The following LRMDA variants were observed in gnomAD, a reference collection of about 807,000 sequenced individuals.
LRMDA encodes leucine rich melanocyte differentiation associated.
A neutral mutation model predicts 29.8 loss-of-function variants in LRMDA; 18 were observed. That is an observed-to-expected ratio of 0.60 (90% CI 0.42 to 0.90). The LOEUF is 0.90. Among genes scored for constraint, LRMDA ranks in the 40% least tolerant of loss-of-function variants. The pLI, the probability that LRMDA is intolerant of heterozygous loss-of-function variation, is 0.00. For missense variants in LRMDA, 273 were observed against 273.9 expected (o/e 1.00, Z 0.02); for synonymous variants, 125 against 109.4 (o/e 1.14, Z -0.89).
chr10:76,185,144 T>C (rs1589367603), intron 5 of LRMDA, among the ~76,000 whole-genome samples: 1 of 152,236 alleles, frequency 6.6e-6, no homozygotes, highest in Non-Finnish European at 1.5e-5. Context: ...ACACACAAAA[T>C]GGACAATGGT....
intron 6 of LRMDA, among the ~76,000 whole-genome samples, chr10:76,435,796 C>T (rs535911062): frequency 2.5e-4 from 38 of 152,140 alleles, no homozygotes; most frequent in Non-Finnish European, 4.0e-4. Context: ...AAGCAAAAAG[C>T]CATTATCTAG....
chr10:75,441,156 A>G (rs1487729620), intron 2 of LRMDA, among the ~76,000 whole-genome samples: 2 of 152,232 alleles, frequency 1.3e-5, no homozygotes, highest in Non-Finnish European at 2.9e-5. Context: ...TGGATGACCC[A>G]AGCTCTCTAG....
At chr10:76,002,209 A>C (rs113596629) in intron 2 of LRMDA, among the ~76,000 whole-genome samples, 2,193 of 152,278 alleles carry the variant, frequency 0.014, 39 homozygotes, top group South Asian at 0.017. Context: ...TTCTGAGGGC[A>C]CCAGTCCCAT....
chr10:75,691,196 AT>A (rs1474447005), intron 2 of LRMDA, among the ~76,000 whole-genome samples: 6 of 140,914 alleles, frequency 4.3e-5, no homozygotes, highest in African/African-American at 1.6e-4. Flanking sequence ...ATAGATATAT[AT>A]ACACACACAC....
At chr10:75,998,791 G>T (rs1407537321) in intron 2 of LRMDA, among the ~76,000 whole-genome samples, 1 of 152,158 alleles carries the variant, frequency 6.6e-6, no homozygotes, top group African/African-American at 2.4e-5. Context: ...GGTGTAATTT[G>T]GGAGTTCAAT....
chr10:75,950,508 G>A (rs12244995), intron 2 of LRMDA, among the ~76,000 whole-genome samples: 12,050 of 152,190 alleles, frequency 0.079, 1,311 homozygotes, highest in African/African-American at 0.24. Flanking sequence ...TTTGAGGGCC[G>A]ACTCAGCATT....
chr10:76,241,782 G>A (rs577870150), intron 5 of LRMDA, among the ~76,000 whole-genome samples: 55 of 152,250 alleles, frequency 3.6e-4, no homozygotes, highest in South Asian at 1.0e-3. Flanking sequence ...CCTGGAGACT[G>A]AAGGGTATGC....
At chr10:75,911,735 A>T (rs986312504) in intron 2 of LRMDA, among the ~76,000 whole-genome samples, 1 of 152,176 alleles carries the variant, frequency 6.6e-6, no homozygotes, top group Non-Finnish European at 1.5e-5. Flanking sequence ...ACTGTGTCAG[A>T]TAGAAAATAA....
At chr10:75,970,922 T>C (rs548568323) in intron 2 of LRMDA, among the ~76,000 whole-genome samples, 1 of 152,344 alleles carries the variant, frequency 6.6e-6, no homozygotes, top group South Asian at 2.1e-4. Flanking sequence ...GCCATTGTTA[T>C]ATTGGGTATT....
intron 2 of LRMDA, among the ~76,000 whole-genome samples, chr10:75,488,281 T>C (rs1326091546): frequency 6.6e-6 from 1 of 152,214 alleles, no homozygotes; most frequent in Non-Finnish European, 1.5e-5. Flanking sequence ...AAAAAAGAAC[T>C]TTTCCTTTCT....
chr10:76,044,519 C>G (rs569827043), intron 3 of LRMDA, among the ~76,000 whole-genome samples: 10 of 147,572 alleles, frequency 6.8e-5, no homozygotes, highest in Admixed American at 5.5e-4. Flanking sequence ...AAAAGCTGAA[C>G]TTACCCTGGA....
At chr10:75,904,399 G>A (rs1051723485) in intron 2 of LRMDA, among the ~76,000 whole-genome samples, 1 of 152,146 alleles carries the variant, frequency 6.6e-6, no homozygotes, top group Admixed American at 6.5e-5. Context: ...ACTGGTGGCC[G>A]TCTATGGTTT....
At chr10:75,648,815 C>T (rs1238302143) in intron 2 of LRMDA, among the ~76,000 whole-genome samples, 1 of 152,036 alleles carries the variant, frequency 6.6e-6, no homozygotes, top group Admixed American at 6.6e-5. Context: ...ACCAGGACTC[C>T]CTGGTGCTCT....
chr10:76,371,132 G>A (rs1841449126), intron 6 of LRMDA, among the ~76,000 whole-genome samples: 1 of 152,156 alleles, frequency 6.6e-6, no homozygotes, highest in Non-Finnish European at 1.5e-5. Flanking sequence ...CATTGCCTGA[G>A]CTTTCAGACA....
intron 2 of LRMDA, among the ~76,000 whole-genome samples, chr10:75,675,785 C>T (rs928598347): frequency 7.2e-5 from 11 of 152,014 alleles, no homozygotes; most frequent in African/African-American, 2.4e-4. Flanking sequence ...ATCTGTTTCT[C>T]TTTGTAGGAC....
intron 2 of LRMDA, among the ~76,000 whole-genome samples, chr10:75,936,427 A>G (rs918436076): frequency 6.6e-6 from 1 of 152,166 alleles, no homozygotes; most frequent in Non-Finnish European, 1.5e-5. Flanking sequence ...CCAGGATTCA[A>G]TATTATATCT....
chr10:75,909,826 A>G (rs549475413), intron 2 of LRMDA, among the ~76,000 whole-genome samples: 22 of 152,360 alleles, frequency 1.4e-4, no homozygotes, highest in African/African-American at 4.1e-4. Flanking sequence ...TCTGAAACCC[A>G]TGTGTTACAA....
At chr10:75,569,780 G>C (rs1220810234) in intron 2 of LRMDA, among the ~76,000 whole-genome samples, 1 of 152,216 alleles carries the variant, frequency 6.6e-6, no homozygotes, top group Non-Finnish European at 1.5e-5. Context: ...ATCAGATCAA[G>C]GTGCTGCAAA....
chr10:75,616,282 C>CAGCAGCAGT (rs1385861555), intron 2 of LRMDA, among the ~76,000 whole-genome samples: 14 of 151,078 alleles, frequency 9.3e-5, no homozygotes, highest in African/African-American at 3.4e-4. Context: ...GCAGCAGCAG[C>CAGCAGCAGT]AGTAGTAGTA....
Sources: allele counts gnomAD v4.1 joint callset (sites outside exome capture counted in the v4.1 genomes callset), GRCh38; gene constraint gnomAD v4.1.1; transcripts MANE v1.5; gene names NCBI Gene and HGNC (gene_info 2026-07-23, HGNC 2026-07-21).